LPP: variants seen among roughly 807,000 people sequenced by gnomAD.
LPP encodes the protein LIM domain containing preferred translocation partner in lipoma, also known as lipoma-preferred partner.
Under a neutral mutation model 60.4 loss-of-function variants are expected in LPP, and 38 were observed. The ratio of observed to expected loss-of-function variants is 0.63; its 90% CI spans 0.49 to 0.83. LPP has a LOEUF of 0.83. LPP is among the 40% of genes least tolerant of loss of function. LPP has a pLI of 0.00. For missense variants in LPP, 902 were observed against 783.6 expected, an observed-to-expected ratio of 1.15 and a Z score of -1.80; for synonymous variants, 328 against 290.8, an observed-to-expected ratio of 1.13 and a Z score of -1.30.
At chr3:188,744,426 C>T (rs1438593975) in intron 8 of LPP, among the ~76,000 whole-genome samples, 1 of 152,150 alleles carries the variant, frequency 6.6e-6, no homozygotes, top group African/African-American at 2.4e-5. Context: ...AACTGCACTG[C>T]CAACTGCTGA....
intron 7 of LPP, among the ~76,000 whole-genome samples, chr3:188,651,783 C>A (rs1852136982): frequency 6.6e-6 from 1 of 152,144 alleles, no homozygotes; most frequent in Non-Finnish European, 1.5e-5. Context: ...TACCTCCCAC[C>A]AAGTCCTTCC....
In LPP at chr3:188,680,413, T is replaced by C. The variant is rs1398808795; in HGVS notation, c.1114-27854T>C. 2.6e-5 allele frequency among the ~76,000 whole-genome samples: 4 copies of C among 152,222 alleles called. No individual in the cohort carries two copies. In the East Asian group the frequency reaches 7.7e-4, roughly 29 times the overall value. On this transcript the variant is annotated intron_variant, in intron 7 of 11. Transcript: ENST00000617246. ...ATCAAGCAAGAATGCTCACAATCTT[T>C]CATATGAAAGAAGACATCTTTATTT...
chr3:188,783,348 T>C (rs1490219537), intron 9 of LPP, among the ~76,000 whole-genome samples: 1 of 152,108 alleles, frequency 6.6e-6, no homozygotes, highest in East Asian at 1.9e-4. Context: ...ATGTGGTACA[T>C]ATACCCCACA....
chr3:188,250,772 T>TTC (rs1344982047), intron 2 of LPP, among the ~76,000 whole-genome samples: 37 of 111,096 alleles, frequency 3.3e-4, no homozygotes, highest in African/African-American at 1.6e-3. Flanking sequence ...CTTTCTTTCT[T>TTC]TCTTTCTTTC....
At chr3:188,478,330 G>A (rs1349865841) in intron 4 of LPP, among the ~76,000 whole-genome samples, 17 of 152,132 alleles carry the variant, frequency 1.1e-4, no homozygotes, top group Admixed American at 1.1e-3. Flanking sequence ...CTGGGCCACA[G>A]TCAATTTAGT....
intron 4 of LPP, among the ~76,000 whole-genome samples, chr3:188,426,268 G>A (rs1789320520): frequency 6.6e-6 from 1 of 152,220 alleles, no homozygotes; most frequent in African/African-American, 2.4e-5. Context: ...GGTTTTGAGT[G>A]AGTTTCTGAA....
intron 4 of LPP, among the ~76,000 whole-genome samples, chr3:188,470,013 G>C (rs1160055954): frequency 6.6e-6 from 1 of 151,938 alleles, no homozygotes; most frequent in Non-Finnish European, 1.5e-5. Context: ...ACAACCCTGG[G>C]TAGTATAAAA....
At chr3:188,494,857 A>C (rs972488993) in intron 5 of LPP, among the ~76,000 whole-genome samples, 1 of 151,668 alleles carries the variant, frequency 6.6e-6, no homozygotes, top group Non-Finnish European at 1.5e-5. Context: ...GATTGTTGTG[A>C]GGTTTCAAAG....
intron 6 of LPP, among the ~76,000 whole-genome samples, chr3:188,545,860 G>A (rs1485133827): frequency 6.6e-6 from 1 of 152,096 alleles, no homozygotes; most frequent in Non-Finnish European, 1.5e-5. Context: ...AAGACAGGGG[G>A]TTAGTCTCCA....
intron 7 of LPP, among the ~76,000 whole-genome samples, chr3:188,618,394 ATAT>A (rs2151514160): frequency 6.6e-6 from 1 of 152,342 alleles, no homozygotes; most frequent in African/African-American, 2.4e-5. Context: ...AAACACTCTC[ATAT>A]AAGAAAAACT....
chr3:188,826,437 A>G lies in LPP; in HGVS notation c.1411-39763A>G, dbSNP rs115074039. ...ACATGGTCAGTACATTTTAAGATAG[A>G]CATTTTAATAGGCAGAAAACTGTAT... On this transcript the variant is annotated intron_variant, in intron 9 of 11. Transcript: ENST00000617246. 2.2e-3 allele frequency among the ~76,000 whole-genome samples: 335 copies of G among 152,290 alleles called. 2 individuals are homozygous for G. The highest frequency in any genetic ancestry group is 7.8e-3 in the African/African-American group (325 of 41,544).
chr3:188,407,890 A>G (rs9683189), intron 4 of LPP, among the ~76,000 whole-genome samples: 128,453 of 149,642 alleles, frequency 0.86, 56,538 homozygotes, highest in East Asian at 1. Flanking sequence ...TCCCGGGTTC[A>G]AGTGATTCTC....
intron 3 of LPP, among the ~76,000 whole-genome samples, chr3:188,379,058 C>T (rs1776134680): frequency 6.6e-6 from 1 of 151,724 alleles, no homozygotes; most frequent in Non-Finnish European, 1.5e-5. Context: ...GCCCTCCCCA[C>T]TAGCCAGGCC....
chr3:188,341,438 C>G (rs1763030203), intron 2 of LPP, among the ~76,000 whole-genome samples: 1 of 152,170 alleles, frequency 6.6e-6, no homozygotes, highest in African/African-American at 2.4e-5. Context: ...TAGTTCCTTT[C>G]TCATCCTTTC....
At chr3:188,404,288 A>G (rs773719381) in intron 3 of LPP, among the ~76,000 whole-genome samples, 24 of 152,236 alleles carry the variant, frequency 1.6e-4, no homozygotes, top group Non-Finnish European at 3.1e-4. Context: ...TCTGTTGCCC[A>G]AGCTGGAGTA....
intron 9 of LPP, among the ~76,000 whole-genome samples, chr3:188,779,960 T>C (rs1319967150): frequency 2.0e-5 from 3 of 151,998 alleles, no homozygotes; most frequent in Admixed American, 6.6e-5. Flanking sequence ...TTTAAATATA[T>C]ATATATATGA....
chr3:188,831,781 A>C (rs1289869230), intron 9 of LPP, among the ~76,000 whole-genome samples: 3 of 152,192 alleles, frequency 2.0e-5, no homozygotes, highest in African/African-American at 7.2e-5. Context: ...ACTTTCAATC[A>C]GCTCTCTCTC....
chr3:188,584,072 G>A (rs1277107062), intron 6 of LPP, among the ~76,000 whole-genome samples: 4 of 152,130 alleles, frequency 2.6e-5, no homozygotes, highest in East Asian at 1.9e-4. Context: ...CAAGTACAGC[G>A]TTTGGCCTCG....
At chr3:188,677,507 CTG>C (rs1858394600) in intron 7 of LPP, among the ~76,000 whole-genome samples, 1 of 152,068 alleles carries the variant, frequency 6.6e-6, no homozygotes, top group Non-Finnish European at 1.5e-5. Flanking sequence ...AAGATTGAAA[CTG>C]ATAGAGAAAT....
Sources: allele counts gnomAD v4.1 joint callset (sites outside exome capture counted in the v4.1 genomes callset), GRCh38; gene constraint gnomAD v4.1.1; transcripts MANE v1.5; gene names NCBI Gene and HGNC (gene_info 2026-07-23, HGNC 2026-07-21).